Variants in PRXL2C observed in about 807,000 individuals in gnomAD.
PRXL2C encodes peroxiredoxin-like 2C.
A neutral mutation model predicts 24.9 loss-of-function variants in PRXL2C; 38 were observed. That is an observed-to-expected ratio of 1.53 (90% CI 1.18 to 2.00). The LOEUF is 2.00. Among genes scored for constraint, PRXL2C ranks in the 30% most tolerant of loss-of-function variants. PRXL2C has a pLI of 0.00. For missense variants in PRXL2C, 294 were observed against 290.9 expected (o/e 1.01, Z -0.08); for synonymous variants, 98 against 117.2 (o/e 0.84, Z 1.06).
At chr9:96,644,232 A>C (rs766798637) in intron 5 of PRXL2C, among the ~76,000 whole-genome samples, 3 of 152,138 alleles carry the variant, frequency 2.0e-5, no homozygotes, top group Admixed American at 6.6e-5. Flanking sequence ...AGGAAGAAAA[A>C]ACAAAAAGAT....
intron 5 of PRXL2C, among the ~76,000 whole-genome samples, chr9:96,645,380 AT>A (rs1195843491): frequency 6.6e-6 from 1 of 152,106 alleles, no homozygotes; most frequent in Non-Finnish European, 1.5e-5. Context: ...CGCTCATCAA[AT>A]ACATAAACAT....
chr9:96,646,619 G>T (rs1848204011), intron 4 of PRXL2C, among the ~76,000 whole-genome samples: 1 of 152,112 alleles, frequency 6.6e-6, no homozygotes, highest in African/African-American at 2.4e-5. Flanking sequence ...AACAATGAAT[G>T]AAATGATCTG....
At chr9:96,651,791 A>AT (rs2119189661) in intron 2 of PRXL2C, 79 bp from the exon 3 acceptor site, 1 of 1,265,176 alleles carries the variant, frequency 7.9e-7, no homozygotes, top group East Asian at 2.3e-5. Flanking sequence ...CCCAACTCTT[A>AT]TGTTTCATTC....
intron 4 of PRXL2C, 28 bp downstream of exon 4, chr9:96,651,362 T>C: frequency 6.7e-7 from 1 of 1,483,848 alleles, no homozygotes; most frequent in South Asian, 1.2e-5. Context: ...CCACCAGTGT[T>C]TTCTATTTGA....
At position 96,641,548 on chromosome 9, in the gene PRXL2C, T is replaced by C. The variant is rs1292675573; in HGVS notation, c.*211A>G. 2 of 371,170 alleles carry C rather than the reference T, an allele frequency of 5.4e-6. No individual in the cohort carries two copies. Among genetic ancestry groups the C allele is most frequent in the Admixed American group, 4.6e-5 (1 of 21,944 alleles). 23.0% of individuals were successfully genotyped at this position (371,170 alleles called of 1,614,324 possible). A position where few individuals can be genotyped will look rare whatever the true frequency, so the allele number is the denominator to read the frequency against. ...TATTCATTTTTTTTGTATAAAATGTTAAAAGTTATAAAATGGAAGTATATA... is the reference window on the plus strand; with the variant it reads ...TATTCATTTTTTTTGTATAAAATGTCAAAAGTTATAAAATGGAAGTATATA... On this transcript the variant is annotated 3_prime_UTR_variant, in exon 6 of 6. Coordinates refer to ENST00000375234, the MANE Select transcript of PRXL2C (RefSeq NM_153698.2).
At chr9:96,652,296 G>A (rs778062996) in intron 2 of PRXL2C, among the ~76,000 whole-genome samples, 3 of 152,166 alleles carry the variant, frequency 2.0e-5, no homozygotes, top group Non-Finnish European at 2.9e-5. Context: ...CAAGTCAGGT[G>A]GATCACCTGA....
chr9:96,646,303 G>C (rs558546421), intron 4 of PRXL2C, among the ~76,000 whole-genome samples: 1 of 152,352 alleles, frequency 6.6e-6, no homozygotes, highest in South Asian at 2.1e-4. Context: ...CCAAGGGAGA[G>C]AGGAGTAAAT....
At chr9:96,650,208 G>A (rs1049783164) in intron 4 of PRXL2C, among the ~76,000 whole-genome samples, 2 of 152,200 alleles carry the variant, frequency 1.3e-5, no homozygotes, top group Non-Finnish European at 2.9e-5. Context: ...GTCTCCCAGA[G>A]TAGATGATGA....
intron 2 of PRXL2C, 152 bp downstream of exon 2, chr9:96,654,553 A>C: frequency 1.5e-6 from 1 of 660,108 alleles, no homozygotes; most frequent in South Asian, 1.9e-5. Flanking sequence ...TAGATCTCTG[A>C]CGTCTCACTC....
In PRXL2C at chr9:96,651,655, T is replaced by C; in HGVS notation, c.315+4A>G. The C allele has an allele frequency of 1.2e-6, 2 of 1,606,414 alleles. No homozygotes were observed. Among genetic ancestry groups the C allele is most frequent in the Non-Finnish European group, 1.7e-6 (2 of 1,174,818 alleles). On this transcript the variant is annotated splice_donor_region_variant and intron_variant, in intron 3 of 5. Transcript: ENST00000375234. ...ATTAGTCTCCCAATGTACTAGATATTTACCTCAATATGATGGTAGGATGAC... is the reference window on the plus strand; with the variant it reads ...ATTAGTCTCCCAATGTACTAGATATCTACCTCAATATGATGGTAGGATGAC...
intron 2 of PRXL2C, 107 bp downstream of exon 2, chr9:96,654,598 G>A: frequency 1.0e-6 from 1 of 970,200 alleles, no homozygotes; most frequent in East Asian, 2.7e-5. Flanking sequence ...GAGCTGCGGG[G>A]AGGGGCAATC....
intron 2 of PRXL2C, 135 bp downstream of exon 2, chr9:96,654,570 G>A (rs978428848): frequency 2.1e-5 from 15 of 730,212 alleles, no homozygotes; most frequent in Non-Finnish European, 3.0e-5. Context: ...ACTCCTTTTG[G>A]AGGGGCGAGG....
rs1361796009 is a variant in PRXL2C at position 96,650,749 on chromosome 9, T to A, written c.421+641A>T. On this transcript the variant is annotated intron_variant, in intron 4 of 5. Transcript: ENST00000375234. Reference sequence around the variant, plus strand: ...ACTTGTAAAAAATACAAAAGCCAATTTTCTCACTCCCCTCCTTGAGGTAAA... The same window carrying A: ...ACTTGTAAAAAATACAAAAGCCAATATTCTCACTCCCCTCCTTGAGGTAAA... Among the ~76,000 whole-genome samples, 16 of 152,198 alleles carry A rather than the reference T, an allele frequency of 1.1e-4. No individual in the cohort carries two copies. The South Asian group carries it at 3.3e-3, about 32-fold the overall frequency.
chr9:96,654,645 C>A, intron 2 of PRXL2C, 60 bp downstream of exon 2: 1 of 1,500,638 alleles, frequency 6.7e-7, no homozygotes, highest in Non-Finnish European at 9.1e-7. Flanking sequence ...GCGTCCTCCC[C>A]CGCCCCGCTC....
intron 4 of PRXL2C, among the ~76,000 whole-genome samples, chr9:96,647,871 C>G (rs1427626533): frequency 6.6e-6 from 1 of 151,830 alleles, no homozygotes; most frequent in Non-Finnish European, 1.5e-5. Flanking sequence ...GAAATAAATG[C>G]TCAGAAATCC....
At chr9:96,653,044 G>T (rs561446243) in intron 2 of PRXL2C, among the ~76,000 whole-genome samples, 1 of 152,060 alleles carries the variant, frequency 6.6e-6, no homozygotes, top group African/African-American at 2.4e-5. Flanking sequence ...TGGCTAACAC[G>T]GTGAAACCCG....
At chr9:96,642,441 A>G (rs562619329) in intron 5 of PRXL2C, among the ~76,000 whole-genome samples, 104 of 152,196 alleles carry the variant, frequency 6.8e-4, no homozygotes, top group Non-Finnish European at 1.3e-3. Flanking sequence ...TACAGATTTT[A>G]TAATTTATAA....
chr9:96,643,121 C>T (rs1470686397), intron 5 of PRXL2C, among the ~76,000 whole-genome samples: 1 of 152,162 alleles, frequency 6.6e-6, no homozygotes, highest in Non-Finnish European at 1.5e-5. Context: ...TTATGTGAGA[C>T]ACTTGAGCAT....
At chr9:96,644,571 C>T (rs1488166314) in intron 5 of PRXL2C, among the ~76,000 whole-genome samples, 3 of 152,006 alleles carry the variant, frequency 2.0e-5, no homozygotes, top group East Asian at 1.9e-4. Flanking sequence ...CTGCAACCTC[C>T]GCCTCCCAGG....
Sources: gnomAD v4.1 joint callset for allele counts (sites outside exome capture counted in the v4.1 genomes callset) on GRCh38, gnomAD v4.1.1 for gene constraint, MANE v1.5 for transcripts, NCBI Gene and HGNC (gene_info 2026-07-23, HGNC 2026-07-21) for gene names.